Variants in CENPT observed in about 807,000 individuals in gnomAD.
CENPT encodes interphase centromere complex protein 22.
In CENPT, 42 loss-of-function variants were observed where a neutral mutation model predicts 59.7. The observed-to-expected ratio is 0.70, with a 90% CI of 0.55 to 0.91. CENPT has a LOEUF of 0.91. CENPT is among the 40% of genes least tolerant of loss of function. The pLI, the probability that CENPT is intolerant of heterozygous loss-of-function variation, is 0.00. For missense variants in CENPT, 716 were observed against 713.4 expected, an observed-to-expected ratio of 1.00 and a Z score of -0.04; for synonymous variants, 295 against 289.6, an observed-to-expected ratio of 1.02 and a Z score of -0.19.
Position 67,833,861 on chromosome 16 carries a change from G to T in CENPT, c.-2C>A, listed in dbSNP as rs780234221. 1 of 1,531,334 alleles carries T rather than the reference G, an allele frequency of 6.5e-7. No individual in the cohort carries two copies. The highest frequency in any genetic ancestry group is 2.6e-5 in the East Asian group (1 of 38,314). 94.9% of individuals were successfully genotyped at this position (1,531,334 alleles called of 1,614,324 possible). A position where few individuals can be genotyped will look rare whatever the true frequency, so the allele number is the denominator to read the frequency against. The stretch of plus-strand genomic sequence containing the variant: ...GCTGTCAGGGTTGTGGTCAGCCATC[G>T]TCTCGGCCCCGGGCCCTCCTAACCG... On this transcript the variant is annotated 5_prime_UTR_variant, in exon 4 of 16. Coordinates refer to ENST00000562787, the MANE Select transcript of CENPT (RefSeq NM_025082.4).
At chr16:67,838,427 G>A (rs913539905) in intron 1 of CENPT, among the ~76,000 whole-genome samples, 1 of 151,652 alleles carries the variant, frequency 6.6e-6, no homozygotes, top group African/African-American at 2.4e-5. Context: ...TTCGAGACCA[G>A]CCCGGACAAC....
chr16:67,842,674 G>A lies in CENPT; in HGVS notation c.-492+4727C>T, dbSNP rs1131526. The stretch of plus-strand genomic sequence containing the variant: ...TGCGGCGCCTCTGGCTCAAGAACGT[G>A]TCGCGTGCCGGCGTCAGTGGGTGCT... On this transcript the variant is annotated intron_variant, in intron 1 of 15. Transcript: ENST00000562787. This position sits in a 1 kb window ranked among gnomAD's most constrained non-coding sequence, Gnocchi z 4.9. 3.0e-4 allele frequency: 466 copies of A among 1,575,510 alleles called. No individual in the cohort carries two copies. The highest frequency in any genetic ancestry group is 4.8e-4 in the Admixed American group (26 of 54,670).
At chr16:67,835,995 A>G (rs1418885213) in intron 1 of CENPT, among the ~76,000 whole-genome samples, 2 of 151,944 alleles carry the variant, frequency 1.3e-5, no homozygotes, top group Non-Finnish European at 2.9e-5. Context: ...CGCCTGCCTC[A>G]GCCTCCCAAA....
intron 1 of CENPT, among the ~76,000 whole-genome samples, chr16:67,844,586 A>G (rs1440027193): frequency 6.6e-6 from 1 of 152,196 alleles, no homozygotes; most frequent in East Asian, 1.9e-4. Flanking sequence ...AGCCTCTGGT[A>G]TGCATGTGCA....
At chr16:67,830,983 A>G (rs2057681542) in intron 10 of CENPT, 5 of 598,514 alleles carry the variant, frequency 8.4e-6, no homozygotes, top group Non-Finnish European at 8.8e-6. Flanking sequence ...ACACCCCTTT[A>G]CAACCTCCAG....
intron 13 of CENPT, 176 bp from the exon 14 acceptor site, chr16:67,829,019 G>T: frequency 1.7e-6 from 1 of 591,202 alleles, no homozygotes. Flanking sequence ...ATAGAGGCCA[G>T]TCTTTCCCTG....
rs147372654 is a variant in CENPT at position 67,830,115 on chromosome 16, C to T, written c.863-27G>A. 3,729 of 1,607,410 alleles carry T rather than the reference C, an allele frequency of 2.3e-3. 6 individuals are homozygous for T. Among genetic ancestry groups the T allele is most frequent in the Admixed American group, 3.5e-3 (208 of 59,286 alleles). On this transcript the variant is annotated intron_variant, in intron 11 of 15. Transcript: ENST00000562787. The stretch of plus-strand genomic sequence containing the variant: ...TGAGTGAAGGGGAGAGAATACAGGC[C>T]GGAGACGCAGCAGGCCAAGGCTGCA...
At chr16:67,835,150 T>G (rs578006380) in intron 3 of CENPT, 22 bp downstream of exon 3, 6 of 152,256 alleles carry the variant, frequency 3.9e-5, no homozygotes, top group South Asian at 4.1e-4. Context: ...CATTAAAAAT[T>G]TTTAATGCTA....
At chr16:67,831,494 G>A (rs1426787361) in intron 9 of CENPT, 82 bp downstream of exon 9, 1 of 1,580,102 alleles carries the variant, frequency 6.3e-7, no homozygotes, top group African/African-American at 1.4e-5. Context: ...AGTAGTATGG[G>A]CAGATTCCAT....
Position 67,831,817 on chromosome 16 carries a change from T to G in CENPT, c.460A>C (p.Lys154Gln). ...AACACTGACAGTCTCAGCCTCTGTT[T>G]CCTCCTGCCAGGGGCCAGCAGACCT... Reference protein sequence around the residue: ...APGLLAPGRRKQRLRLSVFQQ... With the variant: ...APGLLAPGRRQQRLRLSVFQQ... Residue 154 changes from lysine to glutamine, a missense_variant, in exon 8 of 16, where the codon AAA becomes CAA. Physicochemically the swap from Lys to Gln is moderately conservative, Grantham distance 53 (BLOSUM62 1). Coordinates refer to ENST00000562787, the MANE Select transcript of CENPT (RefSeq NM_025082.4). The G allele has an allele frequency of 6.2e-7, 1 of 1,603,972 alleles. No individual in the cohort carries two copies. Among genetic ancestry groups the G allele is most frequent in the Non-Finnish European group, 8.5e-7 (1 of 1,176,082 alleles).
chr16:67,844,435 T>C (rs2057783911), intron 1 of CENPT, among the ~76,000 whole-genome samples: 1 of 152,198 alleles, frequency 6.6e-6, no homozygotes, highest in Non-Finnish European at 1.5e-5. Context: ...GCCCAGTTTG[T>C]CCATGGATTA....
chr16:67,837,444 C>G (rs1250377002), intron 1 of CENPT, among the ~76,000 whole-genome samples: 1 of 151,578 alleles, frequency 6.6e-6, no homozygotes, highest in Non-Finnish European at 1.5e-5. Context: ...CGCAGTGGCT[C>G]ACACCTGTAA....
In CENPT at chr16:67,829,144, C is replaced by T. The variant is rs1237513115; in HGVS notation, c.1280+279G>A. On this transcript the variant is annotated intron_variant, in intron 13 of 15. Transcript: ENST00000562787. ...AGAATGGATAGTCTCTCTCCTTACTCTACTGCTGCCTTTCCCGATTCTGCT... is the reference window on the plus strand; with the variant it reads ...AGAATGGATAGTCTCTCTCCTTACTTTACTGCTGCCTTTCCCGATTCTGCT... 7.4e-5 allele frequency: 38 copies of T among 515,654 alleles called. No individual in the cohort carries two copies. The Admixed American group carries it at 1.3e-3, about 18-fold the overall frequency. The allele number at this position is 515,654 out of a possible 1,614,324, so 31.9% of individuals were successfully genotyped here.
At chr16:67,832,617 T>C in intron 4 of CENPT, 72 bp from the exon 5 acceptor site, 1 of 1,373,236 alleles carries the variant, frequency 7.3e-7, no homozygotes, top group African/African-American at 1.4e-5. Flanking sequence ...CATGCCTTCA[T>C]CAGGGGTCTT....
chr16:67,841,010 C>CATATACATATATATAT (rs2057757426), intron 1 of CENPT, among the ~76,000 whole-genome samples: 1 of 109,402 alleles, frequency 9.1e-6, no homozygotes, highest in Non-Finnish European at 1.8e-5. Context: ...ATACAAAATA[C>CATATACATATATATAT]ATATATATAT....
chr16:67,842,592 A>G lies in CENPT; in HGVS notation c.-492+4809T>C, dbSNP rs1314632393. On this transcript the variant is annotated intron_variant, in intron 1 of 15. Transcript: ENST00000562787. This position sits in a 1 kb window ranked among gnomAD's most constrained non-coding sequence, Gnocchi z 4.9. ...ACGTGCTGCGTGCCAGGCTGCTACA[A>G]CAACTCGCACCGGGACAAGGCGCTG... The G allele has an allele frequency of 1.9e-6, 3 of 1,546,736 alleles. No homozygotes were observed. The highest frequency in any genetic ancestry group is 3.9e-5 in the Admixed American group (2 of 50,780).
chr16:67,838,556 A>C (rs2057744734), intron 1 of CENPT, among the ~76,000 whole-genome samples: 1 of 148,646 alleles, frequency 6.7e-6, no homozygotes, highest in South Asian at 2.2e-4. Flanking sequence ...CGGGAGATGG[A>C]GGTTGCTGTG....
At chr16:67,836,302 C>T (rs1027708802) in intron 1 of CENPT, among the ~76,000 whole-genome samples, 15 of 152,024 alleles carry the variant, frequency 9.9e-5, no homozygotes, top group African/African-American at 2.9e-4. Flanking sequence ...CCTCATGATC[C>T]GCCCACCTCA....
Position 67,831,870 on chromosome 16 carries a change from T to G in CENPT, c.407A>C (p.Glu136Ala), listed in dbSNP as rs766211190. The change falls in exon 8 of 16, where the codon GAG becomes GCG. Residue 136 changes from glutamate to alanine, a missense_variant. Coordinates refer to ENST00000562787, the MANE Select transcript of CENPT (RefSeq NM_025082.4). ...SCGSLELQLPELEPPTTLAPG... is the reference protein window; with the variant it reads ...SCGSLELQLPALEPPTTLAPG... ...AGCCAGGGTTGTGGGGGGCTCGAGC[T>G]CAGGAAGTTGCAGCTCCAGGCTATA... 28 of 1,611,738 alleles carry G rather than the reference T, an allele frequency of 1.7e-5. No homozygotes were observed. The South Asian group carries it at 3.0e-4, about 17-fold the overall frequency.
Sources: allele counts gnomAD v4.1 joint callset (sites outside exome capture counted in the v4.1 genomes callset), GRCh38; gene constraint gnomAD v4.1.1; non-coding constraint Gnocchi (gnomAD v3.1); transcripts MANE v1.5; gene names NCBI Gene and HGNC (gene_info 2026-07-23, HGNC 2026-07-21).